P2RY2: variants seen among roughly 807,000 people sequenced by gnomAD.
P2RY2 encodes P2Y purinoceptor 2.
For synonymous variants in P2RY2, 241 were observed against 231.9 expected, an observed-to-expected ratio of 1.04 and a Z score of -0.35; for missense variants, 567 against 515.7, an observed-to-expected ratio of 1.10 and a Z score of -0.96.
intron 2 of P2RY2, among the ~76,000 whole-genome samples, chr11:73,233,507 C>A (rs994907525): frequency 3.9e-5 from 6 of 152,168 alleles, no homozygotes; most frequent in African/African-American, 1.4e-4. Context: ...AGGCCCCTTC[C>A]CATGAACTCA....
chr11:73,230,515 C>T (rs1363235616), intron 2 of P2RY2, among the ~76,000 whole-genome samples: 1 of 152,118 alleles, frequency 6.6e-6, no homozygotes, highest in African/African-American at 2.4e-5. Flanking sequence ...GCAAATGACT[C>T]GACCCTCACA....
At chr11:73,221,794 A>G (rs1862123871) in intron 1 of P2RY2, among the ~76,000 whole-genome samples, 1 of 152,180 alleles carries the variant, frequency 6.6e-6, no homozygotes, top group Non-Finnish European at 1.5e-5. Flanking sequence ...TCCAGCGGCC[A>G]GTTGCAGGAC....
chr11:73,221,188 A>G (rs767670323), intron 1 of P2RY2, among the ~76,000 whole-genome samples: 25 of 152,128 alleles, frequency 1.6e-4, no homozygotes, highest in Non-Finnish European at 2.9e-4. Context: ...TTGAAATTTG[A>G]TTACTGAATG....
chr11:73,225,314 G>A (rs1054402420), intron 1 of P2RY2, among the ~76,000 whole-genome samples: 1 of 152,232 alleles, frequency 6.6e-6, no homozygotes, highest in Non-Finnish European at 1.5e-5. Flanking sequence ...GCCCAGACTG[G>A]GGTAGGGGCA....
chr11:73,234,125 C>T, intron 2 of P2RY2, 31 bp from the exon 3 acceptor site: 1 of 1,572,886 alleles, frequency 6.4e-7, no homozygotes. Flanking sequence ...CGGCCACAAC[C>T]CTGATGGCCC....
Position 73,239,597 on chromosome 11 carries a change from G to A in P2RY2, c.*4304G>A, listed in dbSNP as rs1862732094. The A allele has an allele frequency of 6.6e-6, 1 of 152,336 alleles. No homozygotes were observed. Among genetic ancestry groups the A allele is most frequent in the African/African-American group, 2.4e-5 (1 of 41,458 alleles). The allele number at this position is 152,336 out of a possible 1,614,324, so 9.4% of individuals were successfully genotyped here. On this transcript the variant is annotated 3_prime_UTR_variant, in exon 3 of 3. Coordinates refer to ENST00000393597, the MANE Select transcript of P2RY2 (RefSeq NM_002564.4). The stretch of plus-strand genomic sequence containing the variant: ...AAGAGTCCACAGATCTAGGAGCAGA[G>A]GACTGGTCTGGAGCTGGGCAAGGGC...
chr11:73,220,341 A>G (rs1271635439), intron 1 of P2RY2, among the ~76,000 whole-genome samples: 1 of 152,218 alleles, frequency 6.6e-6, no homozygotes, highest in Non-Finnish European at 1.5e-5. Context: ...TCAGAGCGGC[A>G]TTTCAGAAAG....
At chr11:73,233,321 G>A (rs1862514237) in intron 2 of P2RY2, among the ~76,000 whole-genome samples, 1 of 152,240 alleles carries the variant, frequency 6.6e-6, no homozygotes, top group African/African-American at 2.4e-5. Flanking sequence ...GAGACCCTTG[G>A]AAATACTTCC....
chr11:73,219,734 C>T (rs1447561007), intron 1 of P2RY2, among the ~76,000 whole-genome samples: 1 of 152,238 alleles, frequency 6.6e-6, no homozygotes, highest in Non-Finnish European at 1.5e-5. Context: ...GCAGCAGCTG[C>T]CTGGAGTCTC....
Position 73,236,256 on chromosome 11 carries a change from T to C in P2RY2, c.*963T>C, listed in dbSNP as rs1862650000. The C allele has an allele frequency of 3.5e-6, 3 of 852,846 alleles. No homozygotes were observed. The highest frequency in any genetic ancestry group is 2.9e-6 in the Non-Finnish European group (2 of 695,196). 52.8% of individuals were successfully genotyped at this position (852,846 alleles called of 1,614,324 possible). On this transcript the variant is annotated 3_prime_UTR_variant, in exon 3 of 3. Transcript: ENST00000393597. ...CATTTAACTGGAGCTCCGATTTAAC[T>C]GGGAACCCCTTCTTTGTAGAACTGC...
rs1051517731 is a variant in P2RY2, at chr11:73,241,779, T to C, written c.*6486T>C. The C allele has an allele frequency of 2.6e-5, 4 of 152,420 alleles. No homozygotes were observed. The highest frequency in any genetic ancestry group is 5.9e-5 in the Non-Finnish European group (4 of 68,198). 9.4% of individuals were successfully genotyped at this position (152,420 alleles called of 1,614,324 possible). ...TGGTGATGCTACAGCCCTCTCTTGC[T>C]GACCTTGCTTCCTGGGCCATCAGTG... On this transcript the variant is annotated 3_prime_UTR_variant, in exon 3 of 3. Transcript: ENST00000393597.
At position 73,241,185 on chromosome 11, in the gene P2RY2, C is replaced by T. The variant is rs900223851; in HGVS notation, c.*5892C>T. 3.9e-5 allele frequency: 6 copies of T among 152,240 alleles called. No homozygotes were observed. The highest frequency in any genetic ancestry group is 1.4e-4 in the African/African-American group (6 of 41,458). 9.4% of individuals were successfully genotyped at this position (152,240 alleles called of 1,614,324 possible). A position where few individuals can be genotyped will look rare whatever the true frequency, so the allele number is the denominator to read the frequency against. On this transcript the variant is annotated 3_prime_UTR_variant, in exon 3 of 3. Coordinates refer to ENST00000393597, the MANE Select transcript of P2RY2 (RefSeq NM_002564.4). Reference sequence around the variant, plus strand: ...ACCCCGATCTTAGACTTCCAGTCTTCAGAATGGTGAGAAATAAATGTCTCT... The same window carrying T: ...ACCCCGATCTTAGACTTCCAGTCTTTAGAATGGTGAGAAATAAATGTCTCT...
rs959613836 is a variant in P2RY2, at chr11:73,222,655, G to T, written c.-200+4223G>T. Among the ~76,000 whole-genome samples the T allele has an allele frequency of 9.2e-5, 14 of 152,170 alleles. No homozygotes were observed. In the East Asian group the frequency reaches 9.7e-4, roughly 10 times the overall value. On this transcript the variant is annotated intron_variant, in intron 1 of 2. Coordinates refer to ENST00000393597, the MANE Select transcript of P2RY2 (RefSeq NM_002564.4). ...TCACACTTTCATCCACCAAGTCTTT[G>T]CTCATGCCTCTCCTGCCTTCAGAGC...
At chr11:73,234,031 C>A in intron 2 of P2RY2, 125 bp from the exon 3 acceptor site, 2 of 1,147,322 alleles carry the variant, frequency 1.7e-6, no homozygotes, top group Non-Finnish European at 1.2e-6. Context: ...GGTTCCAGAG[C>A]TTGGAGGTTC....
At position 73,236,460 on chromosome 11, in the gene P2RY2, G is replaced by T. The variant is rs1004790872; in HGVS notation, c.*1167G>T. On this transcript the variant is annotated 3_prime_UTR_variant, in exon 3 of 3. Coordinates refer to ENST00000393597, the MANE Select transcript of P2RY2 (RefSeq NM_002564.4). ...CTGTGAGCCAGGGGGTCAGGGAAGG[G>T]TTCCTGGAGTGGGAGACTCCTGAGC... 1.3e-6 allele frequency: 1 copy of T among 786,034 alleles called. No individual in the cohort carries two copies. Among genetic ancestry groups the T allele is most frequent in the East Asian group, 1.3e-4 (1 of 7,870 alleles). The allele number at this position is 786,034 out of a possible 1,614,324, so 48.7% of individuals were successfully genotyped here. A position where few individuals can be genotyped will look rare whatever the true frequency, so the allele number is the denominator to read the frequency against.
In P2RY2 at chr11:73,227,759, G is replaced by T. The variant is rs1862320791; in HGVS notation, c.-199-222G>T. ...CCTCCAGGCAGGGCCACCCCTCTGT[G>T]AAAGGCGGCCTGGGGAAGGGGGTTG... is the stretch of plus-strand genomic sequence containing the variant. On this transcript the variant is annotated intron_variant, in intron 1 of 2. Transcript: ENST00000393597. Among the ~76,000 whole-genome samples the T allele has an allele frequency of 2.0e-5, 3 of 152,192 alleles. No homozygotes were observed. The South Asian group carries it at 6.2e-4, about 32-fold the overall frequency.
chr11:73,223,362 A>G (rs1199743724), intron 1 of P2RY2, among the ~76,000 whole-genome samples: 1 of 135,818 alleles, frequency 7.4e-6, no homozygotes, highest in African/African-American at 2.7e-5. Context: ...TGCTCTGACC[A>G]TGACCTCTGT....
In P2RY2 at chr11:73,234,370, T is replaced by C. The variant is rs1271542589; in HGVS notation, c.211T>C (p.Tyr71His). 6.2e-7 allele frequency: 1 copy of C among 1,614,206 alleles called. No individual in the cohort carries two copies. Among genetic ancestry groups the C allele is most frequent in the Non-Finnish European group, 8.5e-7 (1 of 1,180,030 alleles). The change falls in exon 3 of 3, where the codon TAT (tyrosine) becomes CAT (histidine). Residue 71 changes from tyrosine (Y) to histidine (H), a missense_variant. Physicochemically the swap from Tyr to His is moderately conservative, Grantham distance 83. Coordinates refer to ENST00000393597, the MANE Select transcript of P2RY2 (RefSeq NM_002564.4). Reference protein sequence around the residue: ...RLKTWNASTTYMFHLAVSDAL... With the variant: ...RLKTWNASTTHMFHLAVSDAL... ...CAAGACCTGGAATGCGTCCACCACA[T>C]ATATGTTCCACCTGGCTGTGTCTGA...
Position 73,233,528 on chromosome 11 carries a change from C to T in P2RY2, c.-4-628C>T, listed in dbSNP as rs146072734. On this transcript the variant is annotated intron_variant, in intron 2 of 2. Transcript: ENST00000393597. ...CTTCCCATGAACTCAAAATTACCTGCTCTGGCACCCCCAGGTCCTCAGATT... is the reference window on the plus strand; with the variant it reads ...CTTCCCATGAACTCAAAATTACCTGTTCTGGCACCCCCAGGTCCTCAGATT... Among the ~76,000 whole-genome samples, 446 of 152,362 alleles carry T rather than the reference C, an allele frequency of 2.9e-3. 3 individuals carry two copies. The highest frequency in any genetic ancestry group is 0.01 in the African/African-American group (421 of 41,582).
Sources: gnomAD v4.1 joint callset for allele counts (sites outside exome capture counted in the v4.1 genomes callset) on GRCh38, gnomAD v4.1.1 for gene constraint, MANE v1.5 for transcripts, NCBI Gene and HGNC (gene_info 2026-07-23, HGNC 2026-07-21) for gene names.